MYO18B: variants seen among roughly 807,000 people sequenced by gnomAD.
MYO18B encodes myosin XVIIIB.
Under a neutral mutation model 273.0 loss-of-function variants are expected in MYO18B, and 204 were observed. The ratio of observed to expected loss-of-function variants is 0.75; its 90% CI spans 0.67 to 0.84. MYO18B has a LOEUF of 0.84. MYO18B is among the 40% of genes least tolerant of loss of function. MYO18B has a pLI of 0.00. For missense variants in MYO18B, 3,212 were observed against 3,287.6 expected (o/e 0.98, Z 0.56); for synonymous variants, 1,330 against 1,305.7 (o/e 1.02, Z -0.40).
intron 24 of MYO18B, 76 bp from the exon 25 acceptor site, chr22:25,877,883 G>T (rs695428): frequency 8.0e-7 from 1 of 1,246,472 alleles, no homozygotes; most frequent in Non-Finnish European, 1.1e-6. Flanking sequence ...ACTTTGTGCC[G>T]TTTGCTCACT....
At chr22:25,769,596 C>T (rs1179600820) in intron 4 of MYO18B, among the ~76,000 whole-genome samples, 168 bp downstream of exon 4, 1 of 152,150 alleles carries the variant, frequency 6.6e-6, no homozygotes, top group Non-Finnish European at 1.5e-5. Flanking sequence ...GGGACGAGCA[C>T]TTCCTCCATG....
chr22:25,990,350 G>C (rs894407444), intron 39 of MYO18B, among the ~76,000 whole-genome samples: 8 of 151,986 alleles, frequency 5.3e-5, no homozygotes, highest in Non-Finnish European at 8.8e-5. Flanking sequence ...GAGTGACCTC[G>C]CTGACTGACC....
At chr22:25,766,709 C>T (rs770178339) in intron 3 of MYO18B, among the ~76,000 whole-genome samples, 2 of 152,130 alleles carry the variant, frequency 1.3e-5, no homozygotes, top group Admixed American at 6.6e-5. Context: ...AGAAGGTGAC[C>T]AGTACAGTTC....
At chr22:25,818,162 C>T (rs1023875798) in intron 12 of MYO18B, among the ~76,000 whole-genome samples, 47 of 152,182 alleles carry the variant, frequency 3.1e-4, no homozygotes, top group African/African-American at 1.1e-3. Flanking sequence ...TGTGTGATCC[C>T]CTCTGGAGTG....
chr22:25,938,774 C>G (rs1018280813), intron 34 of MYO18B, among the ~76,000 whole-genome samples: 12 of 152,180 alleles, frequency 7.9e-5, no homozygotes, highest in Admixed American at 7.9e-4. Flanking sequence ...TGGGTGGAAC[C>G]ACTTTGATCC....
intron 33 of MYO18B, among the ~76,000 whole-genome samples, chr22:25,918,399 C>A (rs550637580): frequency 3.3e-5 from 5 of 152,234 alleles, no homozygotes; most frequent in Non-Finnish European, 7.3e-5. Flanking sequence ...CAACACTAAA[C>A]ATCATGTAGA....
At chr22:25,852,838 A>G (rs551356756) in intron 21 of MYO18B, among the ~76,000 whole-genome samples, 1 of 152,308 alleles carries the variant, frequency 6.6e-6, no homozygotes, top group East Asian at 1.9e-4. Flanking sequence ...GTGAATGTAA[A>G]CTGGTTATGT....
the MYO18B span, among the ~76,000 whole-genome samples, chr22:26,043,638 G>A: frequency 3.3e-5 from 5 of 151,216 alleles, no homozygotes; most frequent in African/African-American, 1.2e-4. Context: ...AGCCTCCCGA[G>A]TAGCTGGGAT....
chr22:25,809,615 G>A (rs1365045232), intron 12 of MYO18B, among the ~76,000 whole-genome samples: 2 of 152,062 alleles, frequency 1.3e-5, no homozygotes, highest in Non-Finnish European at 2.9e-5. Context: ...CTCACTCCCC[G>A]CCTGCTACCA....
In MYO18B at chr22:25,863,876, A is replaced by G. The variant is rs78435801; in HGVS notation, c.3886-4444A>G. 9.6e-3 allele frequency among the ~76,000 whole-genome samples: 1,459 copies of G among 152,326 alleles called. 31 individuals are homozygous for G. The highest frequency in any genetic ancestry group is 0.032 in the African/African-American group (1,341 of 41,564). Reference sequence around the variant, plus strand: ...TTGTGTTTAGCCTGGAGCCAGGAATATGTGGGAACTTATCAAGCCCACTGT... The same window carrying G: ...TTGTGTTTAGCCTGGAGCCAGGAATGTGTGGGAACTTATCAAGCCCACTGT... On this transcript the variant is annotated intron_variant, in intron 21 of 43. Coordinates refer to ENST00000335473, the MANE Select transcript of MYO18B (RefSeq NM_032608.7).
At position 25,992,450 on chromosome 22, in the gene MYO18B, G is replaced by T; in HGVS notation, c.6244G>T (p.Ala2082Ser). The stretch of plus-strand genomic sequence containing the variant: ...CATTCGGCGGATTGCCGACCTGCAG[G>T]CTGCCTTGGAAGAAGTGGCATCCAG... ...TSIRRIADLQ[A>S]ALEEVASSDS... The change falls in exon 40 of 44, where the codon GCT (alanine) becomes TCT (serine). Residue 2082 changes from alanine to serine, a missense_variant. Ala to Ser is a moderately conservative substitution (Grantham distance 99). Transcript: ENST00000335473. The T allele has an allele frequency of 6.2e-7, 1 of 1,614,012 alleles. No individual in the cohort carries two copies. The highest frequency in any genetic ancestry group is 8.5e-7 in the Non-Finnish European group (1 of 1,179,896).
rs2085648456 is a variant in MYO18B, at chr22:25,742,291, A to C, written c.-112A>C. The C allele has an allele frequency of 6.6e-6, 1 of 152,114 alleles. No homozygotes were observed. Among genetic ancestry groups the C allele is most frequent in the Non-Finnish European group, 1.5e-5 (1 of 68,088 alleles). The allele number at this position is 152,114 out of a possible 1,614,324, so 9.4% of individuals were successfully genotyped here. ...CCTGTGATCTGTGTCCTCTTTGCAGAAGGTACTATTGGGCTGGGTTTTAGA... is the reference window on the plus strand; with the variant it reads ...CCTGTGATCTGTGTCCTCTTTGCAGCAGGTACTATTGGGCTGGGTTTTAGA... On this transcript the variant is annotated splice_region_variant and 5_prime_UTR_variant, in exon 1 of 44. Coordinates refer to ENST00000335473, the MANE Select transcript of MYO18B (RefSeq NM_032608.7).
the MYO18B span, among the ~76,000 whole-genome samples, chr22:26,050,068 C>T: frequency 6.6e-6 from 1 of 152,302 alleles, no homozygotes; most frequent in African/African-American, 2.4e-5. Flanking sequence ...CACTATTTAT[C>T]TCTGGTAGGA....
intron 3 of MYO18B, among the ~76,000 whole-genome samples, chr22:25,767,601 A>G (rs1200216562): frequency 2.0e-5 from 3 of 152,218 alleles, no homozygotes; most frequent in African/African-American, 7.2e-5. Flanking sequence ...AGGTGAGAAC[A>G]GGTCCTCTAG....
intron 17 of MYO18B, among the ~76,000 whole-genome samples, chr22:25,840,409 C>T (rs567067438): frequency 5.6e-4 from 86 of 152,354 alleles, no homozygotes; most frequent in African/African-American, 1.8e-3. Context: ...TTGTAAAAAG[C>T]GGTGACCCCT....
the MYO18B span, among the ~76,000 whole-genome samples, chr22:26,060,741 TACATATAC>T: frequency 2.0e-5 from 3 of 151,732 alleles, no homozygotes; most frequent in Non-Finnish European, 4.4e-5. Context: ...CACACATATA[TACATATAC>T]ACATATACAT....
rs745318061 is a variant in MYO18B, at chr22:25,993,726, T to C, written c.6287+1233T>C. ...GGGGTAGCTGCTGACCTTTGGGACT[T>C]GTGGGTGCGAGACAGGCAAAGGAAG... On this transcript the variant is annotated intron_variant, in intron 40 of 43. Coordinates refer to ENST00000335473, the MANE Select transcript of MYO18B (RefSeq NM_032608.7). Among the ~76,000 whole-genome samples, 93 of 152,054 alleles carry C rather than the reference T, an allele frequency of 6.1e-4. 2 individuals are homozygous for C. Among genetic ancestry groups the C allele is most frequent in the Non-Finnish European group, 1.8e-4 (12 of 68,018 alleles).
At chr22:25,851,438 T>C (rs1601350676) in intron 20 of MYO18B, 32 bp from the exon 21 acceptor site, 1 of 1,451,486 alleles carries the variant, frequency 6.9e-7, no homozygotes, top group Non-Finnish European at 9.5e-7. Flanking sequence ...CTGGACTCTG[T>C]GCTCTTCTCC....
At chr22:25,884,975 A>G (rs4822669) in intron 25 of MYO18B, 45,222 of 152,022 alleles carry the variant, frequency 0.3, 6,842 homozygotes, top group Admixed American at 0.37. Context: ...ATATTTTTTA[A>G]ATGTTTACCC....
Sources: allele counts gnomAD v4.1 joint callset (sites outside exome capture counted in the v4.1 genomes callset), GRCh38; gene constraint gnomAD v4.1.1; transcripts MANE v1.5; gene names NCBI Gene and HGNC (gene_info 2026-07-23, HGNC 2026-07-21).